PRDM10: variants seen among roughly 807,000 people sequenced by gnomAD.
PRDM10 encodes the protein PR domain zinc finger protein 10.
PRDM10 carries 65 observed loss-of-function variants against 133.1 expected under a neutral mutation model. The observed-to-expected ratio is 0.49, with a 90% CI of 0.40 to 0.60. The LOEUF (loss-of-function observed/expected upper bound fraction) is 0.60, where lower values mean the gene tolerates loss of function less well. Among genes scored for constraint, PRDM10 ranks in the 20% least tolerant of loss-of-function variants. PRDM10 has a pLI of 0.00. For missense variants in PRDM10, 1,137 were observed against 1,507.1 expected, an observed-to-expected ratio of 0.75 and a Z score of 4.07; for synonymous variants, 582 against 580.4, an observed-to-expected ratio of 1.00 and a Z score of -0.04.
At chr11:129,948,360 A>G (rs535030792) in intron 4 of PRDM10, among the ~76,000 whole-genome samples, 17 of 152,110 alleles carry the variant, frequency 1.1e-4, no homozygotes, top group Non-Finnish European at 1.9e-4. Flanking sequence ...TTATCTTCTC[A>G]TATGTTGTTT....
chr11:129,955,424 G>C (rs1432942333), intron 4 of PRDM10, 88 bp downstream of exon 4: 10 of 1,269,650 alleles, frequency 7.9e-6, no homozygotes, highest in Non-Finnish European at 1.0e-5. Flanking sequence ...CAAACATCCA[G>C]AGATGGTGCA....
chr11:129,996,498 G>A (rs965869260), intron 1 of PRDM10, among the ~76,000 whole-genome samples: 27 of 152,298 alleles, frequency 1.8e-4, no homozygotes, highest in African/African-American at 6.5e-4. Context: ...ACACAGCCAC[G>A]CTCTCACACT....
At chr11:129,973,499 A>G (rs1274581240) in intron 1 of PRDM10, among the ~76,000 whole-genome samples, 1 of 152,196 alleles carries the variant, frequency 6.6e-6, no homozygotes. Context: ...TTGAATGTAT[A>G]CTCCCTTTAA....
At chr11:129,994,737 C>T (rs1253086231) in intron 1 of PRDM10, among the ~76,000 whole-genome samples, 3 of 152,050 alleles carry the variant, frequency 2.0e-5, no homozygotes, top group Admixed American at 1.3e-4. Context: ...CTGCAATCTC[C>T]GCCTCCTGGG....
intron 1 of PRDM10, among the ~76,000 whole-genome samples, chr11:129,970,735 G>A (rs1285752557): frequency 3.3e-5 from 5 of 151,902 alleles, no homozygotes; most frequent in Admixed American, 6.6e-5. Flanking sequence ...TAGTAGAGAC[G>A]GGGTTTCACG....
intron 1 of PRDM10, among the ~76,000 whole-genome samples, chr11:129,962,827 G>C (rs1951822572): frequency 6.6e-6 from 1 of 151,958 alleles, no homozygotes; most frequent in African/African-American, 2.4e-5. Flanking sequence ...TCTCAACAAA[G>C]CCATTATTTA....
At chr11:129,993,979 T>A (rs1938898024) in intron 1 of PRDM10, among the ~76,000 whole-genome samples, 1 of 152,230 alleles carries the variant, frequency 6.6e-6, no homozygotes, top group Admixed American at 6.5e-5. Flanking sequence ...CAATATTGAA[T>A]CTTCCACTCC....
In PRDM10 at chr11:129,935,233, G is replaced by A. The variant is rs1439075649; in HGVS notation, c.1040-15C>T. The A allele has an allele frequency of 1.9e-6, 3 of 1,596,992 alleles. No individual in the cohort carries two copies. The highest frequency in any genetic ancestry group is 2.2e-5 in the South Asian group (2 of 90,752). The stretch of plus-strand genomic sequence containing the variant: ...CTCTCGAAGAACTACAGTCACAGGA[G>A]AGAAATCATAAAGGCTGATGACCAA... On this transcript the variant is annotated splice_polypyrimidine_tract_variant and intron_variant, in intron 8 of 20. Transcript: ENST00000360871.
At chr11:129,926,912 T>C (rs965200886) in intron 11 of PRDM10, among the ~76,000 whole-genome samples, 2 of 152,226 alleles carry the variant, frequency 1.3e-5, no homozygotes, top group Non-Finnish European at 2.9e-5. Context: ...TTTTTAAGAA[T>C]AGGTCTTTCT....
At chr11:129,982,041 T>C (rs1440239517) in intron 1 of PRDM10, among the ~76,000 whole-genome samples, 1 of 151,990 alleles carries the variant, frequency 6.6e-6, no homozygotes, top group Admixed American at 6.6e-5. Flanking sequence ...GTGGATCACT[T>C]GAGCTTGGGA....
chr11:129,960,773 A>T, intron 2 of PRDM10, 123 bp downstream of exon 2: 1 of 950,680 alleles, frequency 1.1e-6, no homozygotes, highest in Non-Finnish European at 1.6e-6. Flanking sequence ...CTTGTGTACG[A>T]GTTCTTCATG....
At chr11:129,936,615 T>G (rs11221905) in intron 8 of PRDM10, among the ~76,000 whole-genome samples, 7,503 of 151,836 alleles carry the variant, frequency 0.049, 533 homozygotes, top group African/African-American at 0.16. Context: ...ATCACGCCAC[T>G]GCACTCCAGC....
chr11:129,923,683 A>AGAGAGAGAGAGAGAG lies in PRDM10; in HGVS notation c.1879-281_1879-280insCTCTCTCTCTCTCTC, dbSNP rs1950588772. 6.7e-6 allele frequency among the ~76,000 whole-genome samples: 1 copy of AGAGAGAGAGAGAGAG among 148,326 alleles called. No homozygotes were observed. The highest frequency in any genetic ancestry group is 6.8e-5 in the Admixed American group (1 of 14,756). On this transcript the variant is annotated intron_variant, in intron 12 of 20. Transcript: ENST00000360871. This position sits in a 1 kb window ranked among gnomAD's most constrained non-coding sequence, Gnocchi z 4.4. Reference sequence around the variant, plus strand: ...GAGAGAGAGAGAGAGAGAGAGAGAGAGAGAGAGAGAGTGCTTGCTTGGTCA... The same window carrying AGAGAGAGAGAGAGAG: ...GAGAGAGAGAGAGAGAGAGAGAGAGAGAGAGAGAGAGAGAGGAGAGAGAGAGTGCTTGCTTGGTCA...
chr11:129,953,450 C>T (rs1439153807), intron 4 of PRDM10, among the ~76,000 whole-genome samples: 4 of 151,286 alleles, frequency 2.6e-5, no homozygotes, highest in East Asian at 2.0e-4. Flanking sequence ...TGCGCCACCA[C>T]GCCCAGCTAA....
At chr11:129,931,305 G>C in intron 10 of PRDM10, 47 bp from the exon 11 acceptor site, 2 of 1,565,234 alleles carry the variant, frequency 1.3e-6, no homozygotes, top group Non-Finnish European at 1.7e-6. Flanking sequence ...CGGAGGGACT[G>C]TCAGCTCAGA....
At chr11:129,932,348 C>T (rs867452118) in intron 9 of PRDM10, 117 bp from the exon 10 acceptor site, 2 of 1,283,988 alleles carry the variant, frequency 1.6e-6, no homozygotes, top group Middle Eastern at 4.5e-4. Context: ...TTATTACTTT[C>T]CCAGATTTTC....
intron 17 of PRDM10, among the ~76,000 whole-genome samples, chr11:129,914,282 C>T (rs1330689159): frequency 6.6e-6 from 1 of 152,224 alleles, no homozygotes; most frequent in Non-Finnish European, 1.5e-5. Flanking sequence ...GGATTACAGG[C>T]ATGAGCCACT....
chr11:129,987,184 C>G (rs1274153361), intron 1 of PRDM10, among the ~76,000 whole-genome samples: 1 of 152,132 alleles, frequency 6.6e-6, no homozygotes, highest in Non-Finnish European at 1.5e-5. Flanking sequence ...TTATTGGCCT[C>G]AATTTCAGCA....
At chr11:129,915,195 G>C (rs1409700576) in intron 16 of PRDM10, among the ~76,000 whole-genome samples, 177 bp from the exon 17 acceptor site, 1 of 152,050 alleles carries the variant, frequency 6.6e-6, no homozygotes, top group Non-Finnish European at 1.5e-5. Context: ...ATGAAAGCAG[G>C]GAAGAGGGTG....
Sources: allele counts gnomAD v4.1 joint callset (sites outside exome capture counted in the v4.1 genomes callset), GRCh38; gene constraint gnomAD v4.1.1; non-coding constraint Gnocchi (gnomAD v3.1); transcripts MANE v1.5; gene names NCBI Gene and HGNC (gene_info 2026-07-23, HGNC 2026-07-21).